The following UACA variants were observed in gnomAD, a reference collection of about 807,000 sequenced individuals.
UACA encodes nuclear membrane binding protein.
Under a neutral mutation model 160.5 loss-of-function variants are expected in UACA, and 112 were observed. The observed-to-expected ratio is 0.70, with a 90% confidence interval of 0.60 to 0.82. UACA has a LOEUF of 0.82. UACA is among the 40% of genes least tolerant of loss of function. UACA has a pLI of 0.00. For missense variants in UACA, 1,574 were observed against 1,614.6 expected (o/e 0.97, Z 0.43); for synonymous variants, 557 against 568.4 (o/e 0.98, Z 0.29).
chr15:70,754,188 T>G (rs1170843203), intron 1 of UACA: 1 of 455,698 alleles, frequency 2.2e-6, no homozygotes, highest in Admixed American at 2.4e-5. Context: ...TCACCTGCGC[T>G]CTCTCAAGGA....
chr15:70,718,317 A>AATGT (rs1898883497), intron 1 of UACA, among the ~76,000 whole-genome samples: 1 of 110,616 alleles, frequency 9.0e-6, no homozygotes, highest in Non-Finnish European at 1.9e-5. Context: ...AGGGAGAGAG[A>AATGT]GAGAGAATGT....
chr15:70,723,671 C>T (rs1016126261), intron 1 of UACA, among the ~76,000 whole-genome samples: 13 of 147,608 alleles, frequency 8.8e-5, no homozygotes, highest in Admixed American at 6.8e-5. Context: ...CTCGCTCTGT[C>T]GCCCAGGCTG....
chr15:70,777,982 T>C, the UACA span, among the ~76,000 whole-genome samples: 1 of 152,112 alleles, frequency 6.6e-6, no homozygotes, highest in Non-Finnish European at 1.5e-5. Context: ...CCCAATAAAT[T>C]GTGATAATAT....
At chr15:70,747,813 C>T (rs919062187) in intron 1 of UACA, among the ~76,000 whole-genome samples, 2 of 151,822 alleles carry the variant, frequency 1.3e-5, no homozygotes, top group Admixed American at 6.6e-5. Flanking sequence ...TGAAAGATGA[C>T]ATTTTTTAAA....
intron 1 of UACA, chr15:70,703,278 G>A (rs1898428887): frequency 7.8e-7 from 1 of 1,286,344 alleles, no homozygotes; most frequent in South Asian, 1.2e-5. Flanking sequence ...ATTGTTTCAT[G>A]GGAATGCAAA....
chr15:70,715,962 G>GGCGGTGGATGAT (rs1410208548), intron 1 of UACA, among the ~76,000 whole-genome samples: 1 of 152,190 alleles, frequency 6.6e-6, no homozygotes, highest in Non-Finnish European at 1.5e-5. Context: ...ACTAATTTAA[G>GGCGGTGGATGAT]GCGGTGGATG....
At chr15:70,682,988 A>G (rs1897566353) in intron 8 of UACA, among the ~76,000 whole-genome samples, 193 bp from the exon 9 acceptor site, 1 of 152,190 alleles carries the variant, frequency 6.6e-6, no homozygotes, top group African/African-American at 2.4e-5. Context: ...TGCCTATCAA[A>G]TTAGCAAAAT....
chr15:70,715,010 T>C (rs1169746645), intron 1 of UACA, among the ~76,000 whole-genome samples: 1 of 152,210 alleles, frequency 6.6e-6, no homozygotes, highest in Non-Finnish European at 1.5e-5. Context: ...CATACAAGAA[T>C]GAAGCTTTCA....
chr15:70,767,258 A>C (rs2031035453), upstream of UACA, among the ~76,000 whole-genome samples: 1 of 114,538 alleles, frequency 8.7e-6, no homozygotes, highest in East Asian at 2.0e-4. Context: ...AAAAAAAAAC[A>C]AAAAACAAAA....
rs774044627 is a variant in UACA at position 70,687,618 on chromosome 15, G to C, written c.524C>G (p.Thr175Ser). 1 of 1,613,906 alleles carries C rather than the reference G, an allele frequency of 6.2e-7. No individual in the cohort carries two copies. The change falls in exon 7 of 19, where the codon ACT (threonine) becomes AGT (serine). Residue 175 changes from threonine (T) to serine (S), a missense_variant. Transcript: ENST00000322954. ...ACATATTGTTGGCCTACTCATCTGAGTAGCCAGAACAAGTGGTGTCCGCCC... is the reference window on the plus strand; with the variant it reads ...ACATATTGTTGGCCTACTCATCTGACTAGCCAGAACAAGTGGTGTCCGCCC... ...VDGRTPLVLATQMSRPTICQL... is the reference protein window; with the variant it reads ...VDGRTPLVLASQMSRPTICQL...
intron 14 of UACA, chr15:70,671,467 T>A (rs1037222249): frequency 1.2e-5 from 2 of 162,358 alleles, no homozygotes; most frequent in African/African-American, 4.8e-5. Context: ...ATATTACTGT[T>A]GTAGGAGAGA....
chr15:70,720,502 T>C (rs1898957016), intron 1 of UACA, among the ~76,000 whole-genome samples: 1 of 152,166 alleles, frequency 6.6e-6, no homozygotes, highest in African/African-American at 2.4e-5. Flanking sequence ...GAATGTTTAT[T>C]GTGGATATCC....
chr15:70,691,241 G>T, intron 4 of UACA, 58 bp downstream of exon 4: 1 of 1,243,542 alleles, frequency 8.0e-7, no homozygotes, highest in Non-Finnish European at 1.1e-6. Context: ...CACATTAAAA[G>T]TACATCTATG....
intron 17 of UACA, among the ~76,000 whole-genome samples, chr15:70,663,959 T>C (rs1445681465): frequency 6.6e-6 from 1 of 152,104 alleles, no homozygotes; most frequent in African/African-American, 2.4e-5. Flanking sequence ...ACATGGTCCA[T>C]GTATACATAT....
chr15:70,665,283 A>G (rs1431540831), intron 16 of UACA, among the ~76,000 whole-genome samples: 2 of 152,034 alleles, frequency 1.3e-5, no homozygotes, highest in Non-Finnish European at 2.9e-5. Flanking sequence ...TTGTAGAGAG[A>G]AAAAAAACAA....
At chr15:70,720,605 CG>C (rs754920604) in intron 1 of UACA, among the ~76,000 whole-genome samples, 5 of 152,056 alleles carry the variant, frequency 3.3e-5, no homozygotes, top group Admixed American at 2.0e-4. Context: ...AGATAAAAGA[CG>C]TAGAAATCCT....
chr15:70,682,120 A>G (rs1386926965), intron 9 of UACA: 1 of 152,212 alleles, frequency 6.6e-6, no homozygotes, highest in Non-Finnish European at 1.5e-5. Context: ...TTTAACACAA[A>G]TAGATTAGCA....
intron 1 of UACA, among the ~76,000 whole-genome samples, chr15:70,710,579 C>A (rs1898655095): frequency 6.6e-6 from 1 of 152,202 alleles, no homozygotes; most frequent in Admixed American, 6.5e-5. Flanking sequence ...CAACTGCAAG[C>A]CCCAGCTTGT....
In UACA at chr15:70,762,236, GGAGA is replaced by G. The variant is rs1185962342; in HGVS notation, c.78+1090_78+1093del. ...AAGTAAAATAATCCTCGATATAGGT[GGAGA>G]GAAAGGCATAACTGAATTAACTCAA... On this transcript the variant is annotated intron_variant, in intron 1 of 18. Coordinates refer to ENST00000322954, the MANE Select transcript of UACA (RefSeq NM_018003.4). 4.6e-4 allele frequency among the ~76,000 whole-genome samples: 8 copies of G among 17,212 alleles called. No homozygotes were observed. The South Asian group carries it at 0.017, about 36-fold the overall frequency. The allele number at this position is 17,212 out of a possible 152,430, so 11.3% of individuals were successfully genotyped here. A position where few individuals can be genotyped will look rare whatever the true frequency, so the allele number is the denominator to read the frequency against.
Sources: gnomAD v4.1 joint callset for allele counts (sites outside exome capture counted in the v4.1 genomes callset) on GRCh38, gnomAD v4.1.1 for gene constraint, MANE v1.5 for transcripts, NCBI Gene and HGNC (gene_info 2026-07-23, HGNC 2026-07-21) for gene names.